The following SCRN3 variants were observed in gnomAD, a reference collection of about 807,000 sequenced individuals.
SCRN3 encodes the protein secernin 3, also known as secernin-3.
SCRN3 carries 39 observed loss-of-function variants against 43.1 expected under a neutral mutation model. That is an observed-to-expected ratio of 0.91 (90% confidence interval 0.70 to 1.18). The LOEUF (loss-of-function observed/expected upper bound fraction) is 1.18. SCRN3 is among the 50% of genes most tolerant of loss of function. The pLI, the probability that SCRN3 is intolerant of heterozygous loss-of-function variation, is 0.00. For missense variants in SCRN3, 484 were observed against 498.0 expected (o/e 0.97, Z 0.27); for synonymous variants, 147 against 163.1 (o/e 0.90, Z 0.75).
chr2:174,405,838 C>T (rs62173574), intron 5 of SCRN3, among the ~76,000 whole-genome samples: 23,228 of 141,826 alleles, frequency 0.16, 2,255 homozygotes, highest in Middle Eastern at 0.32. Flanking sequence ...GGTACCAGTA[C>T]CATGCTGTTT....
rs1559072863 is a variant in SCRN3 at position 174,404,083 on chromosome 2, C to T, written c.542-20C>T. The T allele has an allele frequency of 6.3e-6, 10 of 1,585,930 alleles. No individual in the cohort carries two copies. The South Asian group carries it at 7.8e-5, about 12-fold the overall frequency. ...AATATGACTTTTCTTCTCCTTTCTCCTCTTCTTCTTTGAAAATAGAGGGAG... is the reference window on the plus strand; with the variant it reads ...AATATGACTTTTCTTCTCCTTTCTCTTCTTCTTCTTTGAAAATAGAGGGAG... On this transcript the variant is annotated intron_variant, in intron 4 of 7. Transcript: ENST00000272732.
At chr2:174,413,123 C>T (rs35641297) in intron 5 of SCRN3, among the ~76,000 whole-genome samples, 17,757 of 151,868 alleles carry the variant, frequency 0.12, 1,406 homozygotes, top group Middle Eastern at 0.2. Context: ...CCACCCGTCT[C>T]GGCCTCCCAA....
intron 5 of SCRN3, among the ~76,000 whole-genome samples, chr2:174,409,827 C>T (rs1466829231): frequency 7.0e-6 from 1 of 142,370 alleles, no homozygotes; most frequent in African/African-American, 2.5e-5. Context: ...CTCAGATCTC[C>T]AGCTGCGTGC....
chr2:174,401,257 T>C (rs1346702539), intron 4 of SCRN3, 68 bp downstream of exon 4: 10 of 1,112,110 alleles, frequency 9.0e-6, no homozygotes, highest in Non-Finnish European at 1.1e-5. Flanking sequence ...CCTATAGATA[T>C]TGCATTTAAT....
chr2:174,427,074 C>T (rs1686511710), intron 7 of SCRN3, among the ~76,000 whole-genome samples: 1 of 152,114 alleles, frequency 6.6e-6, no homozygotes, highest in African/African-American at 2.4e-5. Flanking sequence ...TCGTGATCCA[C>T]CCGCCATGGC....
rs746725066 is a variant in SCRN3, at chr2:174,427,904, T to C, written c.*9T>C. On this transcript the variant is annotated 3_prime_UTR_variant, in exon 8 of 8. Transcript: ENST00000272732. ...TCAAAGTTAGTTCTTAGTGATCATA[T>C]GGTCAGCTAATATTAGTTCTTAGTG... 5 of 1,522,188 alleles carry C rather than the reference T, an allele frequency of 3.3e-6. No individual in the cohort carries two copies. The highest frequency in any genetic ancestry group is 4.5e-6 in the Non-Finnish European group (5 of 1,100,804). The allele number at this position is 1,522,188 out of a possible 1,614,324, so 94.3% of individuals were successfully genotyped here.
At chr2:174,422,817 G>C in intron 5 of SCRN3, 68 bp from the exon 6 acceptor site, 1 of 927,554 alleles carries the variant, frequency 1.1e-6, no homozygotes, top group Non-Finnish European at 1.6e-6. Context: ...AGTAGAGAAA[G>C]CAGTTCATAT....
At chr2:174,422,860 A>C (rs764490668) in intron 5 of SCRN3, 25 bp from the exon 6 acceptor site, 3 of 1,522,552 alleles carry the variant, frequency 2.0e-6, no homozygotes, top group Non-Finnish European at 2.7e-6. Context: ...TATGTATTTG[A>C]TGATTTTAAA....
chr2:174,421,947 A>AT (rs1433371765), intron 5 of SCRN3, among the ~76,000 whole-genome samples: 2 of 152,252 alleles, frequency 1.3e-5, no homozygotes, highest in African/African-American at 4.8e-5. Flanking sequence ...AAGTAATAAG[A>AT]TTTTTTTAAG....
chr2:174,417,432 C>T (rs1014308172), intron 5 of SCRN3, among the ~76,000 whole-genome samples: 1 of 152,000 alleles, frequency 6.6e-6, no homozygotes, highest in Non-Finnish European at 1.5e-5. Flanking sequence ...CTTACACTGT[C>T]GACTGGGCTG....
At chr2:174,403,631 C>T (rs1313560123) in intron 4 of SCRN3, among the ~76,000 whole-genome samples, 2 of 152,124 alleles carry the variant, frequency 1.3e-5, no homozygotes, top group Non-Finnish European at 2.9e-5. Context: ...ATTTATATAA[C>T]ATTCTTGAAA....
chr2:174,425,760 G>A (rs573964806), intron 7 of SCRN3, among the ~76,000 whole-genome samples: 1 of 152,184 alleles, frequency 6.6e-6, no homozygotes, highest in African/African-American at 2.4e-5. Context: ...ACTTAAAGTA[G>A]TGGAAAGATA....
At chr2:174,417,422 C>T (rs893397571) in intron 5 of SCRN3, among the ~76,000 whole-genome samples, 18 of 152,080 alleles carry the variant, frequency 1.2e-4, no homozygotes, top group Admixed American at 6.6e-5. Context: ...GAGGCAGAGT[C>T]TTACACTGTC....
intron 5 of SCRN3, among the ~76,000 whole-genome samples, chr2:174,422,306 C>T (rs974683812): frequency 1.3e-5 from 2 of 152,132 alleles, no homozygotes; most frequent in Non-Finnish European, 2.9e-5. Flanking sequence ...GGTGCAGTGG[C>T]TCACACCTGT....
chr2:174,416,038 A>G (rs975350150), intron 5 of SCRN3, among the ~76,000 whole-genome samples: 3 of 152,134 alleles, frequency 2.0e-5, no homozygotes, highest in Non-Finnish European at 4.4e-5. Flanking sequence ...AACAAATTAT[A>G]TGGTAGTTAT....
intron 5 of SCRN3, among the ~76,000 whole-genome samples, chr2:174,413,790 C>A (rs1342372090): frequency 6.6e-6 from 1 of 151,762 alleles, no homozygotes; most frequent in African/African-American, 2.4e-5. Flanking sequence ...GGGGTTTCAC[C>A]ATATTGGTCA....
At position 174,427,757 on chromosome 2, in the gene SCRN3, A is replaced by C. The variant is rs754444911; in HGVS notation, c.1137A>C (p.Lys379Asn). The C allele has an allele frequency of 6.2e-6, 10 of 1,608,306 alleles. No homozygotes were observed. Among genetic ancestry groups the C allele is most frequent in the Non-Finnish European group, 8.5e-6 (10 of 1,177,432 alleles). ...IMLDNMRKLEKELFREMESIL... is the reference protein window; with the variant it reads ...IMLDNMRKLENELFREMESIL... ...TGGACAACATGAGGAAACTGGAGAA[A>C]GAACTATTCAGAGAGATGGAATCAA... Residue 379 changes from lysine (K) to asparagine (N), a missense_variant, in exon 8 of 8, where the codon AAA becomes AAC. By Grantham distance (94) the Lys-to-Asn change is moderately conservative. Transcript: ENST00000272732.
intron 1 of SCRN3, chr2:174,396,086 A>C: frequency 8.7e-7 from 1 of 1,147,696 alleles, no homozygotes; most frequent in Non-Finnish European, 1.1e-6. Flanking sequence ...TGAAGATAAT[A>C]ATTCCGGCCC....
At chr2:174,397,821 T>C (rs1685374835) in intron 1 of SCRN3, among the ~76,000 whole-genome samples, 1 of 152,218 alleles carries the variant, frequency 6.6e-6, no homozygotes, top group Non-Finnish European at 1.5e-5. Context: ...GGGAAGACTT[T>C]AGGAGAGAAA....
Sources: gnomAD v4.1 joint callset for allele counts (sites outside exome capture counted in the v4.1 genomes callset) on GRCh38, gnomAD v4.1.1 for gene constraint, MANE v1.5 for transcripts, NCBI Gene and HGNC (gene_info 2026-07-23, HGNC 2026-07-21) for gene names.